Variants in ABCA9 observed in about 807,000 individuals in gnomAD.
ABCA9 encodes the protein ATP-binding cassette sub-family A member 9.
Under a neutral mutation model 205.3 loss-of-function variants are expected in ABCA9, and 183 were observed. The ratio of observed to expected loss-of-function variants is 0.89; its 90% CI spans 0.79 to 1.01. The LOEUF (loss-of-function observed/expected upper bound fraction) is 1.01, where lower values mean the gene tolerates loss of function less well. Ranked by LOEUF, ABCA9 falls within the 50% of genes least tolerant of loss-of-function variation. The pLI is 0.00. For missense variants in ABCA9, 1,805 were observed against 1,912.4 expected, an observed-to-expected ratio of 0.94 and a Z score of 1.05; for synonymous variants, 651 against 683.3, an observed-to-expected ratio of 0.95 and a Z score of 0.74.
At chr17:69,067,823 G>A in the ABCA9 span, among the ~76,000 whole-genome samples, 2 of 152,164 alleles carry the variant, frequency 1.3e-5, no homozygotes, top group Non-Finnish European at 2.9e-5. Context: ...AGCTCACTGG[G>A]TTTGAAAGAA....
At chr17:69,013,303 G>A (rs1355694964) in intron 22 of ABCA9, among the ~76,000 whole-genome samples, 1 of 152,072 alleles carries the variant, frequency 6.6e-6, no homozygotes, top group Non-Finnish European at 1.5e-5. Flanking sequence ...TCACTACATT[G>A]CAAGTCATCT....
chr17:68,987,802 C>T (rs2069293479), intron 31 of ABCA9, among the ~76,000 whole-genome samples: 1 of 150,166 alleles, frequency 6.7e-6, no homozygotes, highest in African/African-American at 2.5e-5. Context: ...CTATTGTTGC[C>T]CAGGCTGGAG....
chr17:69,061,525 T>C (rs749592588), upstream of ABCA9, among the ~76,000 whole-genome samples: 4 of 152,176 alleles, frequency 2.6e-5, no homozygotes, highest in Non-Finnish European at 5.9e-5. Context: ...TGCATACTAA[T>C]TGTAGCATCT....
intron 22 of ABCA9, among the ~76,000 whole-genome samples, chr17:69,013,566 G>A (rs990707413): frequency 2.6e-5 from 4 of 152,024 alleles, no homozygotes; most frequent in African/African-American, 7.2e-5. Context: ...AATTCATCTT[G>A]ACAACCAGCT....
chr17:69,073,223 G>A, the ABCA9 span, among the ~76,000 whole-genome samples: 2 of 152,060 alleles, frequency 1.3e-5, no homozygotes, highest in Non-Finnish European at 2.9e-5. Context: ...TATTCAGGAC[G>A]TGAACTCAGC....
In ABCA9 at chr17:69,032,209, C is replaced by T. The variant is rs776533734; in HGVS notation, c.1344G>A (p.Arg448=). The change falls in exon 10 of 39, where the codon AGG becomes AGA. Residue 448 remains arginine, a synonymous_variant. Coordinates refer to ENST00000340001, the MANE Select transcript of ABCA9 (RefSeq NM_080283.4). ...LKSCFWFQHG[R]ANHVVLENET... is the part of the protein sequence containing the mutation. The stretch of plus-strand genomic sequence containing the variant: ...CATTCTCAAGGACCACATGATTAGC[C>T]CTTCCGTGTTGAAACCAAAAACAGG... 5.0e-6 allele frequency: 8 copies of T among 1,613,874 alleles called. No homozygotes were observed. The highest frequency in any genetic ancestry group is 1.7e-5 in the Admixed American group (1 of 59,982).
chr17:69,040,746 T>C (rs1348835821), intron 6 of ABCA9, among the ~76,000 whole-genome samples: 1 of 150,536 alleles, frequency 6.6e-6, no homozygotes, highest in African/African-American at 2.4e-5. Context: ...AAATTCCTAA[T>C]TTGCAAATTG....
Position 69,021,850 on chromosome 17 carries a change from C to T in ABCA9, c.2293G>A (p.Asp765Asn). The T allele has an allele frequency of 6.6e-7, 1 of 1,519,162 alleles. No homozygotes were observed. 94.1% of individuals were successfully genotyped at this position (1,519,162 alleles called of 1,614,324 possible). A position where few individuals can be genotyped will look rare whatever the true frequency, so the allele number is the denominator to read the frequency against. Residue 765 changes from aspartate (D) to asparagine (N), a missense_variant, in exon 18 of 39, where the codon GAT (aspartate) becomes AAT (asparagine). Physicochemically the swap from Asp to Asn is conservative, Grantham distance 23. Coordinates refer to ENST00000340001, the MANE Select transcript of ABCA9 (RefSeq NM_080283.4). ...RTNKFPELYR[D>N]LDRCSNQGIE... ...CCTTGGTTAGAACATCTATCAAGAT[C>T]CCTGTAAAGTTCTAAAAGTGGATAC...
At chr17:69,009,290 C>T (rs1313752872) in intron 23 of ABCA9, among the ~76,000 whole-genome samples, 1 of 152,050 alleles carries the variant, frequency 6.6e-6, no homozygotes, top group Admixed American at 6.5e-5. Flanking sequence ...GGGGTCAGGT[C>T]AGAGAAGGTT....
chr17:68,995,541 T>G (rs147645546), intron 26 of ABCA9, among the ~76,000 whole-genome samples: 1 of 152,340 alleles, frequency 6.6e-6, no homozygotes, highest in East Asian at 1.9e-4. Flanking sequence ...ATTGAATTCC[T>G]GACTCATGTA....
intron 35 of ABCA9, 80 bp from the exon 36 acceptor site, chr17:68,983,929 A>G: frequency 6.2e-7 from 1 of 1,606,008 alleles, no homozygotes; most frequent in Non-Finnish European, 8.5e-7. Flanking sequence ...TGGAGGCCAG[A>G]GTAAGGCCAC....
chr17:68,983,964 G>A (rs1390669883), intron 35 of ABCA9, 92 bp downstream of exon 35: 2 of 1,600,734 alleles, frequency 1.2e-6, no homozygotes, highest in African/African-American at 2.7e-5. Context: ...AACCATGCTA[G>A]CTCCTCACGA....
intron 22 of ABCA9, among the ~76,000 whole-genome samples, chr17:69,016,030 T>C (rs1253347843): frequency 6.6e-6 from 1 of 151,170 alleles, no homozygotes; most frequent in African/African-American, 2.4e-5. Context: ...AAATTGTGTG[T>C]GTGTATGTAT....
chr17:69,045,451 G>A (rs1239336856), intron 3 of ABCA9, 115 bp from the exon 4 acceptor site: 1 of 320,374 alleles, frequency 3.1e-6, no homozygotes, highest in Non-Finnish European at 4.3e-6. Flanking sequence ...AGGCAGTGCT[G>A]GGCCTAAATA....
intron 37 of ABCA9, among the ~76,000 whole-genome samples, chr17:68,980,262 G>A (rs965218371): frequency 6.4e-4 from 98 of 151,982 alleles, no homozygotes; most frequent in East Asian, 1.2e-3. Flanking sequence ...TTAGAATGGC[G>A]ATCATTAAAA....
rs749468878 is a variant in ABCA9 at position 69,053,208 on chromosome 17, T to TGG, written c.-13-2071_-13-2070dup. On this transcript the variant is annotated intron_variant, in intron 1 of 38. Coordinates refer to ENST00000340001, the MANE Select transcript of ABCA9 (RefSeq NM_080283.4). ...ATGGGGCTGAAACCTTCTAATCACA[T>TGG]GGGTGATTCCCTGGCAACCAGTCCT... Among the ~76,000 whole-genome samples the TGG allele has an allele frequency of 1.4e-4, 22 of 152,186 alleles. 1 individual carries two copies. The highest frequency in any genetic ancestry group is 3.1e-4 in the Non-Finnish European group (21 of 68,040).
chr17:68,978,286 C>A (rs2143916440), intron 37 of ABCA9, among the ~76,000 whole-genome samples: 1 of 152,216 alleles, frequency 6.6e-6, no homozygotes, highest in Non-Finnish European at 1.5e-5. Context: ...ACTAGGATTG[C>A]AACCCCTGCC....
At chr17:69,068,159 A>G in the ABCA9 span, among the ~76,000 whole-genome samples, 1 of 152,232 alleles carries the variant, frequency 6.6e-6, no homozygotes, top group Admixed American at 6.5e-5. Context: ...ATAAACATTC[A>G]ACGGAAACTT....
At chr17:69,041,967 C>T (rs995199913) in intron 6 of ABCA9, among the ~76,000 whole-genome samples, 16 of 152,240 alleles carry the variant, frequency 1.1e-4, no homozygotes, top group East Asian at 1.9e-4. Flanking sequence ...ATGTAGCATA[C>T]GCCCAGAACC....
Sources: gnomAD v4.1 joint callset for allele counts (sites outside exome capture counted in the v4.1 genomes callset) on GRCh38, gnomAD v4.1.1 for gene constraint, MANE v1.5 for transcripts, NCBI Gene and HGNC (gene_info 2026-07-23, HGNC 2026-07-21) for gene names.